The following CENPP variants were observed in gnomAD, a reference collection of about 807,000 sequenced individuals.
The protein encoded by CENPP is centromere protein P.
In CENPP, 24 loss-of-function variants were observed where a neutral mutation model predicts 35.6. The ratio of observed to expected loss-of-function variants is 0.67; its 90% CI spans 0.49 to 0.95. The LOEUF (loss-of-function observed/expected upper bound fraction) is 0.95. Among genes scored for constraint, CENPP ranks in the 40% least tolerant of loss-of-function variants. The pLI is 0.00. For synonymous variants in CENPP, 120 were observed against 125.5 expected (o/e 0.96, Z 0.29); for missense variants, 332 against 345.3 (o/e 0.96, Z 0.31).
At chr9:92,601,401 C>A (rs1371645045) in intron 5 of CENPP, among the ~76,000 whole-genome samples, 1 of 152,132 alleles carries the variant, frequency 6.6e-6, no homozygotes, top group East Asian at 1.9e-4. Flanking sequence ...AGGAAATTTC[C>A]AAAGGGAGCT....
chr9:92,352,538 T>TATATATATATATATATATAA (rs1464334295), intron 4 of CENPP, among the ~76,000 whole-genome samples: 6 of 114,432 alleles, frequency 5.2e-5, no homozygotes, highest in Admixed American at 1.8e-4. Flanking sequence ...TATATATATA[T>TATATATATATATATATATAA]AATATAACGG....
At chr9:92,457,111 A>C in intron 5 of CENPP, 1 of 1,407,206 alleles carries the variant, frequency 7.1e-7, no homozygotes, top group Non-Finnish European at 9.2e-7. Context: ...CTTATGTATC[A>C]ATAGTTTGGC....
At chr9:92,559,820 T>G (rs567476374) in intron 5 of CENPP, among the ~76,000 whole-genome samples, 1 of 152,296 alleles carries the variant, frequency 6.6e-6, no homozygotes, top group South Asian at 2.1e-4. Flanking sequence ...TTTAAATGTA[T>G]TTTGCTGATG....
intron 1 of CENPP, among the ~76,000 whole-genome samples, chr9:92,326,593 C>T (rs1241980958): frequency 1.3e-5 from 2 of 152,124 alleles, no homozygotes; most frequent in South Asian, 2.1e-4. Context: ...TTTGACATTC[C>T]TCTGAGGTAG....
chr9:92,340,324 T>C (rs1260989192), intron 3 of CENPP: 2 of 152,218 alleles, frequency 1.3e-5, no homozygotes, highest in East Asian at 1.9e-4. Context: ...TACCCTAAGA[T>C]TGATTGGTAT....
intron 5 of CENPP, among the ~76,000 whole-genome samples, chr9:92,544,909 C>T (rs1284460395): frequency 6.6e-6 from 1 of 151,960 alleles, no homozygotes; most frequent in Non-Finnish European, 1.5e-5. Context: ...TTAGTGGAGA[C>T]GTGGTTTCAC....
intron 5 of CENPP, among the ~76,000 whole-genome samples, chr9:92,467,937 A>C (rs908755065): frequency 6.6e-6 from 1 of 152,188 alleles, no homozygotes; most frequent in African/African-American, 2.4e-5. Context: ...TACACTGAAA[A>C]ATGAGGTGAG....
At chr9:92,562,678 C>T (rs898460217) in intron 5 of CENPP, among the ~76,000 whole-genome samples, 16 of 152,042 alleles carry the variant, frequency 1.1e-4, no homozygotes, top group Non-Finnish European at 1.9e-4. Context: ...CCATGCTTAG[C>T]GTGAGGTTTG....
intron 5 of CENPP, among the ~76,000 whole-genome samples, chr9:92,578,814 A>AT (rs1301159139): frequency 2.0e-5 from 3 of 151,914 alleles, no homozygotes; most frequent in African/African-American, 7.3e-5. Context: ...ATTAGATCCC[A>AT]TTTGTCAATT....
rs147427474 is a variant in CENPP at position 92,420,085 on chromosome 9, C to T, written c.564+40226C>T. ...TCCTGCAGTGATACTTTCCTTCATT[C>T]TTCCTCACCATTTGCTCCCATGCAC... On this transcript the variant is annotated intron_variant, in intron 5 of 7. Transcript: ENST00000375587. Among the ~76,000 whole-genome samples, 79 of 152,230 alleles carry T rather than the reference C, an allele frequency of 5.2e-4. 2 individuals carry two copies. In the East Asian group the frequency reaches 0.015, roughly 29 times the overall value.
intron 5 of CENPP, chr9:92,502,706 A>G: frequency 7.2e-7 from 1 of 1,389,352 alleles, no homozygotes; most frequent in Non-Finnish European, 9.8e-7. Context: ...TGATACGTTC[A>G]ATTTCATGGA....
intron 5 of CENPP, among the ~76,000 whole-genome samples, chr9:92,477,930 G>A (rs574153619): frequency 6.6e-6 from 1 of 152,252 alleles, no homozygotes; most frequent in South Asian, 2.1e-4. Flanking sequence ...CTAGATGTGT[G>A]GTACCCAGAG....
At chr9:92,331,220 G>A (rs567045631) in intron 1 of CENPP, among the ~76,000 whole-genome samples, 4 of 151,688 alleles carry the variant, frequency 2.6e-5, no homozygotes, top group East Asian at 1.9e-4. Context: ...TCGCTCTGTC[G>A]CCCAGGTTGG....
chr9:92,564,963 A>G (rs1349565749), intron 5 of CENPP, among the ~76,000 whole-genome samples: 1 of 152,206 alleles, frequency 6.6e-6, no homozygotes, highest in Non-Finnish European at 1.5e-5. Flanking sequence ...AATCTCTTAC[A>G]TGGGTATTCA....
chr9:92,337,098 A>G (rs569568126), intron 2 of CENPP, among the ~76,000 whole-genome samples: 35 of 152,304 alleles, frequency 2.3e-4, no homozygotes, highest in African/African-American at 7.7e-4. Flanking sequence ...TGGGTGGATC[A>G]CCTGAGGTCA....
intron 5 of CENPP, among the ~76,000 whole-genome samples, chr9:92,569,549 T>A: frequency 6.6e-6 from 1 of 152,160 alleles, no homozygotes; most frequent in Non-Finnish European, 1.5e-5. Context: ...CTTAGGATTG[T>A]CTTGGAAATG....
chr9:92,427,403 T>G (rs1215326643), intron 5 of CENPP, among the ~76,000 whole-genome samples: 1 of 152,120 alleles, frequency 6.6e-6, no homozygotes, highest in Non-Finnish European at 1.5e-5. Flanking sequence ...CCTCAGGTGA[T>G]CCGCCCGCCT....
intron 5 of CENPP, among the ~76,000 whole-genome samples, chr9:92,450,259 C>T (rs999673516): frequency 4.0e-5 from 5 of 126,378 alleles, no homozygotes; most frequent in Admixed American, 9.0e-5. Context: ...CCCGACCCCA[C>T]GACAGTCCCC....
intron 5 of CENPP, among the ~76,000 whole-genome samples, chr9:92,567,187 G>A (rs2131348200): frequency 6.6e-6 from 1 of 152,000 alleles, no homozygotes; most frequent in African/African-American, 2.4e-5. Flanking sequence ...ACCATAGACA[G>A]CAACTCAAAA....
Sources: gnomAD v4.1 joint callset for allele counts (sites outside exome capture counted in the v4.1 genomes callset) on GRCh38, gnomAD v4.1.1 for gene constraint, MANE v1.5 for transcripts, NCBI Gene and HGNC (gene_info 2026-07-23, HGNC 2026-07-21) for gene names.